Variants in PPAT observed in about 807,000 individuals in gnomAD.
PPAT encodes amidophosphoribosyltransferase.
A neutral mutation model predicts 60.2 loss-of-function variants in PPAT; 20 were observed. The ratio of observed to expected loss-of-function variants is 0.33; its 90% CI spans 0.23 to 0.48. PPAT has a LOEUF of 0.48. Among genes scored for constraint, PPAT ranks in the 20% least tolerant of loss-of-function variants. The pLI, the probability that PPAT is intolerant of heterozygous loss-of-function variation, is 0.99. For synonymous variants in PPAT, 194 were observed against 215.1 expected (o/e 0.90, Z 0.86); for missense variants, 349 against 629.6 (o/e 0.55, Z 4.77).
At chr4:56,414,451 T>C (rs1328193495) in intron 1 of PPAT, 1 of 152,228 alleles carries the variant, frequency 6.6e-6, no homozygotes, top group Non-Finnish European at 1.5e-5. Context: ...CAGAATTCCT[T>C]TGGCCTATGG....
intron 9 of PPAT, among the ~76,000 whole-genome samples, chr4:56,398,124 T>A (rs909655368): frequency 6.6e-5 from 10 of 152,102 alleles, no homozygotes; most frequent in African/African-American, 2.4e-4. Flanking sequence ...ATCCTAACAC[T>A]TTGAGAGGCC....
intron 7 of PPAT, 151 bp from the exon 8 acceptor site, chr4:56,401,062 GAACTC>G (rs1406738882): frequency 3.4e-6 from 3 of 888,876 alleles, no homozygotes; most frequent in Non-Finnish European, 3.3e-6. Context: ...ACAAACTGGG[GAACTC>G]AACTGTGTGG....
At chr4:56,407,323 C>CT (rs796876979) in intron 2 of PPAT, among the ~76,000 whole-genome samples, 124 of 144,792 alleles carry the variant, frequency 8.6e-4, no homozygotes, top group South Asian at 1.5e-3. Flanking sequence ...TTTTTTCTTT[C>CT]TTTTTTTTTT....
chr4:56,402,912 T>G, intron 5 of PPAT, 128 bp downstream of exon 5: 1 of 759,728 alleles, frequency 1.3e-6, no homozygotes, highest in Non-Finnish European at 1.9e-6. Flanking sequence ...AATACATTTA[T>G]TTTTATTTTT....
intron 1 of PPAT, chr4:56,410,469 C>T (rs1307260225): frequency 3.1e-6 from 3 of 977,978 alleles, no homozygotes; most frequent in Non-Finnish European, 3.6e-6. Context: ...TCCTAGGAAA[C>T]AAAACCTTGG....
At chr4:56,406,838 TA>T (rs910899438) in intron 2 of PPAT, 137 bp from the exon 3 acceptor site, 43 of 693,802 alleles carry the variant, frequency 6.2e-5, no homozygotes, top group South Asian at 8.1e-5. Flanking sequence ...AATTCTAATC[TA>T]AAAAAAAGTC....
At chr4:56,395,622 G>T in intron 10 of PPAT, 74 bp from the exon 11 acceptor site, 1 of 997,132 alleles carries the variant, frequency 1.0e-6, no homozygotes. Context: ...ACAGAGAATA[G>T]TTACAAACAG....
chr4:56,426,000 A>G (rs1022275700), intron 1 of PPAT, among the ~76,000 whole-genome samples: 1 of 152,178 alleles, frequency 6.6e-6, no homozygotes, highest in Non-Finnish European at 1.5e-5. Context: ...TGATTTACAT[A>G]CAATCAAATT....
At chr4:56,419,840 G>A (rs533123067) in intron 1 of PPAT, 1 of 984,100 alleles carries the variant, frequency 1.0e-6, no homozygotes, top group Non-Finnish European at 1.2e-6. Flanking sequence ...ACTGGAAACA[G>A]TGCAGAACAA....
rs1387516675 is a variant in PPAT at position 56,396,234 on chromosome 4, T to C, written c.1357+385A>G. 1 of 155,782 alleles carries C rather than the reference T, an allele frequency of 6.4e-6. No individual in the cohort carries two copies. Among genetic ancestry groups the C allele is most frequent in the Non-Finnish European group, 1.4e-5 (1 of 70,644 alleles). The allele number at this position is 155,782 out of a possible 1,614,324, so 9.6% of individuals were successfully genotyped here. A position where few individuals can be genotyped will look rare whatever the true frequency, so the allele number is the denominator to read the frequency against. ...ATCTCGAAGTCTCCTTATCTCATTA[T>C]TGAATATGAACCTACACAAACTTTT... On this transcript the variant is annotated intron_variant, in intron 10 of 10. Coordinates refer to ENST00000264220, the MANE Select transcript of PPAT (RefSeq NM_002703.5). This position sits in a 1 kb window ranked among gnomAD's most constrained non-coding sequence, Gnocchi z 4.6.
At position 56,396,729 on chromosome 4, in the gene PPAT, C is replaced by T; in HGVS notation, c.1247G>A (p.Arg416Gln). The T allele has an allele frequency of 1.2e-6, 2 of 1,608,708 alleles. No individual in the cohort carries two copies. Among genetic ancestry groups the T allele is most frequent in the Non-Finnish European group, 1.7e-6 (2 of 1,178,148 alleles). Residue 416 changes from arginine to glutamine, a missense_variant, in exon 10 of 11, where the codon CGA (arginine) becomes CAA (glutamine). By Grantham distance (43) the Arg-to-Gln change is conservative. This residue lies in a region of PPAT where 167 missense variants were observed against 328.6 expected (regional missense o/e 0.51). Transcript: ENST00000264220. The surrounding 1 kb of genome is among the most constrained non-coding windows in gnomAD (Gnocchi z 4.6). The part of the protein sequence containing the change: ...KESGAKEVHI[R>Q]VASPPIKYPC... ...ATATTTAATTGGTGGTGAAGCTACTCGAATGTGTACCTTGGAAAGAAATCA... is the reference window on the plus strand; with the variant it reads ...ATATTTAATTGGTGGTGAAGCTACTTGAATGTGTACCTTGGAAAGAAATCA...
chr4:56,399,728 AAAAT>A lies in PPAT; in HGVS notation c.1015-332_1015-329del, dbSNP rs565400663. 101 of 181,594 alleles carry A rather than the reference AAAAT, an allele frequency of 5.6e-4. 1 individual carries two copies. The highest frequency in any genetic ancestry group is 2.0e-3 in the African/African-American group (83 of 42,306). The allele number at this position is 181,594 out of a possible 1,614,324, so 11.2% of individuals were successfully genotyped here. On this transcript the variant is annotated intron_variant, in intron 8 of 10. Coordinates refer to ENST00000264220, the MANE Select transcript of PPAT (RefSeq NM_002703.5). The stretch of plus-strand genomic sequence containing the variant: ...ATGATAATTTTTAAAGAAATGAATT[AAAAT>A]AAATAAATAAAAACCAGTAGACCAA...
At chr4:56,434,007 T>C (rs1229797753) in intron 1 of PPAT, among the ~76,000 whole-genome samples, 1 of 152,190 alleles carries the variant, frequency 6.6e-6, no homozygotes, top group African/African-American at 2.4e-5. Flanking sequence ...CTAAGAATGT[T>C]ACAAACTAAT....
chr4:56,406,724 C>T, intron 2 of PPAT, 23 bp from the exon 3 acceptor site: 1 of 1,560,580 alleles, frequency 6.4e-7, no homozygotes, highest in Non-Finnish European at 8.8e-7. Flanking sequence ...AAAAGTGCAA[C>T]TTAGAAAAAA....
At position 56,432,401 on chromosome 4, in the gene PPAT, G is replaced by A. The variant is rs1348088377; in HGVS notation, c.128+2949C>T. Among the ~76,000 whole-genome samples the A allele has an allele frequency of 9.9e-5, 15 of 151,770 alleles. No individual in the cohort carries two copies. In the South Asian group the frequency reaches 1.5e-3, roughly 15 times the overall value. On this transcript the variant is annotated intron_variant, in intron 1 of 10. Coordinates refer to ENST00000264220, the MANE Select transcript of PPAT (RefSeq NM_002703.5). ...AAATTACCTGAGTGTGGTGGCGGGC[G>A]CCTGTAATCCCAGCTACTCGGGAGA... is the stretch of plus-strand genomic sequence containing the variant.
At chr4:56,426,432 A>G in intron 1 of PPAT, among the ~76,000 whole-genome samples, 1 of 151,826 alleles carries the variant, frequency 6.6e-6, no homozygotes, top group Non-Finnish European at 1.5e-5. Flanking sequence ...CCCCATATCC[A>G]TCAGTAGTTT....
intron 1 of PPAT, chr4:56,431,369 C>G: frequency 1.2e-6 from 1 of 841,650 alleles, no homozygotes; most frequent in Non-Finnish European, 1.4e-6. Context: ...GAGTGCATCT[C>G]TCATTCTCAC....
intron 1 of PPAT, among the ~76,000 whole-genome samples, chr4:56,411,831 G>A (rs947020220): frequency 3.3e-5 from 5 of 152,132 alleles, no homozygotes; most frequent in Non-Finnish European, 5.9e-5. Context: ...GGGGTTAAGA[G>A]GACAAAGATT....
At chr4:56,395,591 T>C in intron 10 of PPAT, 43 bp from the exon 11 acceptor site, 1 of 1,405,858 alleles carries the variant, frequency 7.1e-7, no homozygotes. Flanking sequence ...AGAATTCCTT[T>C]AGAAAGGAAG....
Sources: gnomAD v4.1 joint callset for allele counts (sites outside exome capture counted in the v4.1 genomes callset) on GRCh38, gnomAD v4.1.1 for gene constraint, gnomAD v4.1.1 regional missense constraint, Gnocchi (gnomAD v3.1) non-coding constraint, MANE v1.5 for transcripts, NCBI Gene and HGNC (gene_info 2026-07-23, HGNC 2026-07-21) for gene names.